SETX: variants seen among roughly 807,000 people sequenced by gnomAD.
SETX encodes the protein senataxin.
SETX carries 90 observed loss-of-function variants against 227.2 expected under a neutral mutation model. That is an observed-to-expected ratio of 0.40 (90% CI 0.33 to 0.47). SETX has a LOEUF of 0.47. SETX is among the 20% of genes least tolerant of loss of function. The pLI is 0.91. For missense variants in SETX, 3,052 were observed against 3,181.5 expected, an observed-to-expected ratio of 0.96 and a Z score of 0.98; for synonymous variants, 1,210 against 1,113.2, an observed-to-expected ratio of 1.09 and a Z score of -1.73.
intron 5 of SETX, among the ~76,000 whole-genome samples, chr9:132,338,199 G>C (rs556844): frequency 0.89 from 135,356 of 151,496 alleles, 60,560 homozygotes; most frequent in Non-Finnish European, 0.92. Flanking sequence ...TCAAGTCATT[G>C]TCCTACCTGA....
chr9:132,300,129 TCA>T (rs1491178928), intron 12 of SETX, among the ~76,000 whole-genome samples: 76 of 51,960 alleles, frequency 1.5e-3, no homozygotes, highest in African/African-American at 5.8e-3. Context: ...AAACTCCGTC[TCA>T]AAAAAAAAAA....
intron 3 of SETX, among the ~76,000 whole-genome samples, chr9:132,347,599 A>G (rs554188746): frequency 6.6e-6 from 1 of 152,128 alleles, no homozygotes; most frequent in Admixed American, 6.6e-5. Flanking sequence ...TGTAAGCTAC[A>G]GCACTCAGCC....
chr9:132,335,915 A>T (rs1322368743), intron 6 of SETX, among the ~76,000 whole-genome samples: 1 of 152,156 alleles, frequency 6.6e-6, no homozygotes, highest in Admixed American at 6.5e-5. Flanking sequence ...TCATCAGATC[A>T]CCAAAGAGAA....
At chr9:132,333,390 AAAAAAAAG>A (rs1231467163) in intron 7 of SETX, among the ~76,000 whole-genome samples, 569 of 55,644 alleles carry the variant, frequency 0.01, 23 homozygotes, top group African/African-American at 0.046. Flanking sequence ...AAAGAAAAAA[AAAAAAAAG>A]AAAAAAAAAA....
Position 132,264,260 on chromosome 9 carries a change from GGAA to G in SETX, c.8010_8012del (p.Ser2671del). ...TTTCCTATAAAAGCTTTCTTTTCTT[GGAA>G]CTGCTGTCCTCCTGCTCCAGTGTCC... On this transcript the variant is annotated inframe_deletion, in exon 26 of 26. Transcript: ENST00000224140. 1 of 1,614,052 alleles carries G rather than the reference GGAA, an allele frequency of 6.2e-7. No homozygotes were observed. The highest frequency in any genetic ancestry group is 8.5e-7 in the Non-Finnish European group (1 of 1,180,016).
At position 132,335,186 on chromosome 9, in the gene SETX, C is replaced by T. The variant is rs111642549; in HGVS notation, c.719-459G>A. On this transcript the variant is annotated intron_variant, in intron 6 of 25. Transcript: ENST00000224140. ...CGGGCAGATCACAAAGTCAGGAGAT[C>T]GAGACCATCCTGGCTAACATGGTGA... Among the ~76,000 whole-genome samples the T allele has an allele frequency of 5.9e-3, 887 of 151,510 alleles. 7 individuals are homozygous for T. The highest frequency in any genetic ancestry group is 0.025 in the South Asian group (119 of 4,774).
At chr9:132,266,658 G>A (rs1198741599) in intron 25 of SETX, among the ~76,000 whole-genome samples, 1 of 152,130 alleles carries the variant, frequency 6.6e-6, no homozygotes, top group Non-Finnish European at 1.5e-5. Context: ...TATAATCCCA[G>A]GTACTTGAGA....
rs140676924 is a variant in SETX at position 132,288,636 on chromosome 9, A to T, written c.6122T>A (p.Ile2041Lys). ...TTCTGGACCCAGTCGTACTAAATTT[A>T]TATCTCCACAGTTTCCTGTTGATAA... ...KKNPLGNCGD[I>K]NLVRLGPEKS... The change falls in exon 16 of 26, where the codon ATA becomes AAA. Residue 2041 changes from isoleucine (I) to lysine (K), a missense_variant. This residue lies in a region of SETX where 412 missense variants were observed against 589.0 expected (regional missense o/e 0.70). Coordinates refer to ENST00000224140, the MANE Select transcript of SETX (RefSeq NM_015046.7). The T allele has an allele frequency of 1.2e-6, 2 of 1,612,226 alleles. No homozygotes were observed. The highest frequency in any genetic ancestry group is 1.7e-6 in the Non-Finnish European group (2 of 1,178,526).
chr9:132,285,970 G>C (rs1167692061), intron 18 of SETX, among the ~76,000 whole-genome samples: 1 of 149,320 alleles, frequency 6.7e-6, no homozygotes, highest in Non-Finnish European at 1.5e-5. Context: ...GGATCATGAC[G>C]TCAAGAGATC....
At position 132,288,325 on chromosome 9, in the gene SETX, C is replaced by T. The variant is rs750715750; in HGVS notation, c.6235G>A (p.Ala2079Thr). Residue 2079 changes from alanine (A) to threonine (T), a missense_variant, in exon 17 of 26, where the codon GCG becomes ACG. Physicochemically the swap from Ala to Thr is moderately conservative, Grantham distance 58 (BLOSUM62 0). Around this residue, in one of 10 missense-constraint regions of SETX, gnomAD observed 412 missense variants for 589.0 expected, o/e 0.70. Transcript: ENST00000224140. ...AGAAATTCCTTTCTTTTATGCATCG[C>T]CTGAACATGAGAAGGTAACTCTTTT... ...MKKELPSHVQAMHKRKEFLDY... is the reference protein window; with the variant it reads ...MKKELPSHVQTMHKRKEFLDY... The T allele has an allele frequency of 6.2e-7, 1 of 1,613,814 alleles. No individual in the cohort carries two copies. Among genetic ancestry groups the T allele is most frequent in the South Asian group, 1.1e-5 (1 of 91,052 alleles).
intron 11 of SETX, among the ~76,000 whole-genome samples, chr9:132,302,274 G>A (rs1046746583): frequency 1.4e-5 from 2 of 146,400 alleles, no homozygotes; most frequent in African/African-American, 2.5e-5. Context: ...GGAGAATGAC[G>A]TGAACCCAGG....
In SETX at chr9:132,327,132, C is replaced by T. The variant is rs1156959102; in HGVS notation, c.4466G>A (p.Ser1489Asn). 3 of 1,614,090 alleles carry T rather than the reference C, an allele frequency of 1.9e-6. No homozygotes were observed. The highest frequency in any genetic ancestry group is 2.5e-6 in the Non-Finnish European group (3 of 1,180,060). The stretch of plus-strand genomic sequence containing the variant: ...AAATAAGTTATCTTCCTCTGCATCA[C>T]TGCTGGAGTCAGGCTCTCCTTCTTT... ...ALKEGEPDSS[S>N]DAEEDNLFLT... is the part of the protein sequence containing the mutation. Residue 1489 changes from serine to asparagine, a missense_variant, in exon 10 of 26, where the codon AGT (serine) becomes AAT (asparagine). Around this residue, in one of 10 missense-constraint regions of SETX, gnomAD observed 1,483 missense variants for 1,312.0 expected, o/e 1.13. Transcript: ENST00000224140.
At chr9:132,273,906 G>T (rs1235408632) in intron 23 of SETX, among the ~76,000 whole-genome samples, 1 of 151,780 alleles carries the variant, frequency 6.6e-6, no homozygotes, top group East Asian at 1.9e-4. Flanking sequence ...TTACCATGAA[G>T]TATAACGTTA....
At chr9:132,340,982 T>C (rs1488163942) in intron 5 of SETX, among the ~76,000 whole-genome samples, 4 of 152,062 alleles carry the variant, frequency 2.6e-5, no homozygotes, top group African/African-American at 4.8e-5. Context: ...TAGGACCCAA[T>C]ACCCCAGAGT....
intron 8 of SETX, 55 bp from the exon 9 acceptor site, chr9:132,331,194 G>C: frequency 6.2e-7 from 1 of 1,606,518 alleles, no homozygotes; most frequent in East Asian, 2.2e-5. Flanking sequence ...AAAAAAGGAA[G>C]AAACACCTCT....
intron 11 of SETX, among the ~76,000 whole-genome samples, chr9:132,302,063 A>G (rs1243532000): frequency 6.6e-6 from 1 of 152,234 alleles, no homozygotes; most frequent in South Asian, 2.1e-4. Context: ...TAGTAAAAAT[A>G]CCAGCAGATG....
chr9:132,356,701 C>G (rs1280488802), upstream of SETX, among the ~76,000 whole-genome samples: 5 of 152,114 alleles, frequency 3.3e-5, no homozygotes, highest in South Asian at 1.0e-3. Context: ...GGATGAGGAG[C>G]AAGCCCAGGG....
At chr9:132,308,511 C>T (rs1216458453) in intron 11 of SETX, among the ~76,000 whole-genome samples, 2 of 152,048 alleles carry the variant, frequency 1.3e-5, no homozygotes, top group African/African-American at 4.8e-5. Context: ...TACTTTGGAT[C>T]TTAAGCTGAA....
Position 132,328,224 on chromosome 9 carries a change from T to C in SETX, c.3374A>G (p.Asp1125Gly), listed in dbSNP as rs1048374135. 4 of 1,614,164 alleles carry C rather than the reference T, an allele frequency of 2.5e-6. No individual in the cohort carries two copies. The highest frequency in any genetic ancestry group is 4.5e-5 in the East Asian group (2 of 44,882). Reference protein sequence around the residue: ...ANTTNGQGCTDYVSEVVKKGA... With the variant: ...ANTTNGQGCTGYVSEVVKKGA... ...TTTTTTAACAACTTCAGATACATAATCTGTACAACCCTGACCATTTGTAGT... is the reference window on the plus strand; with the variant it reads ...TTTTTTAACAACTTCAGATACATAACCTGTACAACCCTGACCATTTGTAGT... Residue 1125 changes from aspartate (D) to glycine (G), a missense_variant, in exon 10 of 26, where the codon GAT becomes GGT. This residue lies in a region of SETX where 1,483 missense variants were observed against 1,312.0 expected (regional missense o/e 1.13). Transcript: ENST00000224140.
Sources: allele counts gnomAD v4.1 joint callset (sites outside exome capture counted in the v4.1 genomes callset), GRCh38; gene constraint gnomAD v4.1.1; regional missense constraint gnomAD v4.1.1; transcripts MANE v1.5; gene names NCBI Gene and HGNC (gene_info 2026-07-23, HGNC 2026-07-21).